Variants in CD80 observed in about 807,000 individuals in gnomAD.
CD80 encodes CD80 molecule.
CD80 carries 13 observed loss-of-function variants against 27.1 expected under a neutral mutation model. That is an observed-to-expected ratio of 0.48 (90% CI 0.31 to 0.76). The LOEUF (loss-of-function observed/expected upper bound fraction) is 0.76. Ranked by LOEUF, CD80 falls within the 30% of genes least tolerant of loss-of-function variation. The probability of loss-of-function intolerance (pLI) is 0.04; values close to 1 mark genes in which losing one functional copy is unlikely to be tolerated. For synonymous variants in CD80, 125 were observed against 125.5 expected (o/e 1.00, Z 0.03); for missense variants, 277 against 347.9 (o/e 0.80, Z 1.62).
At chr3:119,547,815 T>C (rs898773075) in intron 2 of CD80, among the ~76,000 whole-genome samples, 1 of 152,040 alleles carries the variant, frequency 6.6e-6, no homozygotes, top group African/African-American at 2.4e-5. Flanking sequence ...GACAAGCAAA[T>C]TGCCTTATTT....
intron 2 of CD80, among the ~76,000 whole-genome samples, chr3:119,549,218 T>G (rs1026164346): frequency 6.6e-6 from 1 of 152,088 alleles, no homozygotes; most frequent in Non-Finnish European, 1.5e-5. Context: ...CTGCAGTCCA[T>G]GCCATACAAT....
intron 2 of CD80, among the ~76,000 whole-genome samples, chr3:119,549,037 AAAATAAATAAAT>A (rs112914312): frequency 2.0e-5 from 3 of 151,606 alleles, no homozygotes; most frequent in Non-Finnish European, 4.4e-5. Context: ...ACTCCGTCTC[AAAATAAATAAAT>A]AAATAAATAA....
intron 1 of CD80, among the ~76,000 whole-genome samples, chr3:119,558,780 A>T (rs955369205): frequency 1.3e-5 from 2 of 152,000 alleles, no homozygotes; most frequent in Non-Finnish European, 2.9e-5. Flanking sequence ...AAAAAAAAAA[A>T]AAAAATTATG....
In CD80 at chr3:119,557,283, C is replaced by T. The variant is rs563100071; in HGVS notation, c.100+346G>A. Among the ~76,000 whole-genome samples, 23 of 152,228 alleles carry T rather than the reference C, an allele frequency of 1.5e-4. No individual in the cohort carries two copies. The East Asian group carries it at 3.5e-3, about 23-fold the overall frequency. ...GAAAACATAGTTTGGGACTAGACTC[C>T]GAGGCCAGTATCGGCACATCACAAA... On this transcript the variant is annotated intron_variant, in intron 2 of 6. Transcript: ENST00000264246.
chr3:119,529,842 A>G lies in CD80; in HGVS notation c.796T>C (p.Cys266Arg), dbSNP rs541811475. 6.3e-7 allele frequency: 1 copy of G among 1,583,402 alleles called. No homozygotes were observed. Among genetic ancestry groups the G allele is most frequent in the East Asian group, 2.2e-5 (1 of 44,700 alleles). The stretch of plus-strand genomic sequence containing the variant: ...AGGATGATGGTATGATAGTACTTAC[A>G]GTAGGTCAGGCAGCATATCACAAAA... ...GIFVICCLTY[C>R]FAPRCRERRR... Residue 266 changes from cysteine (C) to arginine (R), a missense_variant and splice_region_variant, in exon 5 of 7, where the codon TGC (cysteine) becomes CGC (arginine). Cys to Arg is a radical substitution (Grantham distance 180, BLOSUM62 -3). Transcript: ENST00000264246.
At chr3:119,545,276 G>A (rs572353444) in intron 2 of CD80, among the ~76,000 whole-genome samples, 5 of 152,118 alleles carry the variant, frequency 3.3e-5, no homozygotes, top group South Asian at 4.1e-4. Flanking sequence ...CCCAGGAGGC[G>A]GAGGTTGCAG....
chr3:119,541,607 G>A (rs12635377), intron 3 of CD80, among the ~76,000 whole-genome samples: 23,711 of 152,194 alleles, frequency 0.16, 1,984 homozygotes, highest in East Asian at 0.33. Context: ...TCACCTGAGA[G>A]CTTGTTAGAG....
intron 4 of CD80, among the ~76,000 whole-genome samples, chr3:119,533,463 C>T (rs1160684269): frequency 1.3e-5 from 2 of 151,728 alleles, no homozygotes; most frequent in Non-Finnish European, 2.9e-5. Context: ...GCTGTGTCCC[C>T]ACCCAAATCT....
intron 4 of CD80, among the ~76,000 whole-genome samples, chr3:119,536,447 C>G (rs1334240808): frequency 6.6e-6 from 1 of 151,988 alleles, no homozygotes; most frequent in Non-Finnish European, 1.5e-5. Flanking sequence ...CTCAAGTAAG[C>G]CACCCACCTT....
intron 2 of CD80, among the ~76,000 whole-genome samples, chr3:119,557,006 A>G (rs537732250): frequency 1.3e-5 from 2 of 152,362 alleles, no homozygotes; most frequent in African/African-American, 4.8e-5. Context: ...TATGTGGCAG[A>G]TTAAAAATAA....
intron 2 of CD80, among the ~76,000 whole-genome samples, chr3:119,552,368 G>A (rs1166308821): frequency 6.6e-6 from 1 of 151,858 alleles, no homozygotes; most frequent in East Asian, 1.9e-4. Context: ...GCTGATTTTT[G>A]TGTGGAGGAC....
chr3:119,533,233 A>G (rs1396832013), intron 4 of CD80, among the ~76,000 whole-genome samples: 1 of 152,230 alleles, frequency 6.6e-6, no homozygotes, highest in Non-Finnish European at 1.5e-5. Flanking sequence ...CCACAGGGGC[A>G]GACCCAGAAT....
chr3:119,546,283 G>A (rs1308098464), intron 2 of CD80, among the ~76,000 whole-genome samples: 1 of 152,166 alleles, frequency 6.6e-6, no homozygotes, highest in Non-Finnish European at 1.5e-5. Context: ...AGGGCAAGGT[G>A]CTGTTGCCCA....
At chr3:119,536,888 T>C (rs1340840713) in intron 4 of CD80, among the ~76,000 whole-genome samples, 1 of 152,236 alleles carries the variant, frequency 6.6e-6, no homozygotes, top group African/African-American at 2.4e-5. Context: ...GTGTTACAAC[T>C]GCCTATGTGT....
rs112914312 is a variant in CD80 at position 119,549,037 on chromosome 3, A to AAAATAAAT, written c.101-4178_101-4171dup. Among the ~76,000 whole-genome samples the AAAATAAAT allele has an allele frequency of 3.8e-4, 58 of 151,722 alleles. 1 individual carries two copies. The highest frequency in any genetic ancestry group is 1.4e-3 in the African/African-American group (56 of 41,300). On this transcript the variant is annotated intron_variant, in intron 2 of 6. Transcript: ENST00000264246. ...GGGTGACAGAGTGAGACTCCGTCTC[A>AAAATAAAT]AAATAAATAAATAAATAAATAAATA...
rs1225882881 is a variant in CD80, at chr3:119,524,929, A to T, written c.*859T>A. 6.6e-6 allele frequency: 1 copy of T among 152,230 alleles called. No individual in the cohort carries two copies. The highest frequency in any genetic ancestry group is 6.5e-5 in the Admixed American group (1 of 15,278). 9.4% of individuals were successfully genotyped at this position (152,230 alleles called of 1,614,324 possible). On this transcript the variant is annotated 3_prime_UTR_variant, in exon 7 of 7. Coordinates refer to ENST00000264246, the MANE Select transcript of CD80 (RefSeq NM_005191.4). Reference sequence around the variant, plus strand: ...CTTAGTACATACACTGTAAACAACGATCTCATTTTAAATGAGAACTTTCTC... The same window carrying T: ...CTTAGTACATACACTGTAAACAACGTTCTCATTTTAAATGAGAACTTTCTC...
intron 2 of CD80, among the ~76,000 whole-genome samples, chr3:119,554,536 A>T (rs891286190): frequency 6.6e-5 from 10 of 152,132 alleles, no homozygotes; most frequent in African/African-American, 2.4e-4. Flanking sequence ...CAGTGCCTGC[A>T]GGCCTAGAGG....
intron 2 of CD80, among the ~76,000 whole-genome samples, chr3:119,556,074 G>A (rs1485332): frequency 2.0e-5 from 3 of 151,990 alleles, no homozygotes; most frequent in South Asian, 4.2e-4. Flanking sequence ...TTGCATTTCC[G>A]CAACTAACAT....
intron 2 of CD80, among the ~76,000 whole-genome samples, chr3:119,547,112 G>A (rs2082206317): frequency 6.6e-6 from 1 of 152,148 alleles, no homozygotes; most frequent in Non-Finnish European, 1.5e-5. Flanking sequence ...AGTGCACCCT[G>A]CTAACATCCT....
Sources: allele counts gnomAD v4.1 joint callset (sites outside exome capture counted in the v4.1 genomes callset), GRCh38; gene constraint gnomAD v4.1.1; transcripts MANE v1.5; gene names NCBI Gene and HGNC (gene_info 2026-07-23, HGNC 2026-07-21).